ANKEF1: variants seen among roughly 807,000 people sequenced by gnomAD.
ANKEF1 encodes the protein ankyrin repeat and EF-hand domain containing 1, also known as ankyrin repeat and EF-hand domain-containing protein 1.
In ANKEF1, 43 loss-of-function variants were observed where a neutral mutation model predicts 65.1. That is an observed-to-expected ratio of 0.66 (90% CI 0.52 to 0.85). The LOEUF is 0.85. Ranked by LOEUF, ANKEF1 falls within the 40% of genes least tolerant of loss-of-function variation. The pLI, the probability that ANKEF1 is intolerant of heterozygous loss-of-function variation, is 0.00. For synonymous variants in ANKEF1, 316 were observed against 341.5 expected, an observed-to-expected ratio of 0.93 and a Z score of 0.82; for missense variants, 934 against 952.9, an observed-to-expected ratio of 0.98 and a Z score of 0.26.
chr20:10,044,350 G>A, intron 4 of ANKEF1, 44 bp from the exon 5 acceptor site: 1 of 1,594,392 alleles, frequency 6.3e-7, no homozygotes, highest in Middle Eastern at 1.7e-4. Flanking sequence ...TACTTAATAT[G>A]ATGGGTATAA....
intron 3 of ANKEF1, among the ~76,000 whole-genome samples, chr20:10,039,012 A>G (rs964657199): frequency 6.6e-6 from 1 of 152,198 alleles, no homozygotes; most frequent in Admixed American, 6.5e-5. Flanking sequence ...TACATTTTAG[A>G]ATTTCAGGCA....
intron 5 of ANKEF1, 126 bp downstream of exon 5, chr20:10,044,669 C>T: frequency 7.8e-6 from 6 of 765,740 alleles, no homozygotes; most frequent in South Asian, 7.9e-5. Flanking sequence ...ATGTTGTTTT[C>T]ATCTTGATTT....
intron 3 of ANKEF1, among the ~76,000 whole-genome samples, chr20:10,039,295 G>T (rs372933248): frequency 1.3e-5 from 2 of 152,080 alleles, no homozygotes; most frequent in African/African-American, 4.8e-5. Context: ...ATAACTTAAG[G>T]TTCAGGCAAG....
In ANKEF1 at chr20:10,043,262, G is replaced by A. The variant is rs376465137; in HGVS notation, c.487G>A (p.Val163Ile). The A allele has an allele frequency of 3.0e-5, 49 of 1,614,036 alleles. No individual in the cohort carries two copies. Among genetic ancestry groups the A allele is most frequent in the Non-Finnish European group, 3.9e-5 (46 of 1,180,026 alleles). ...TAGAGCTTGTGAAGATGCACATGAT[G>A]TTAAAGATGTGTGCCTGACATTTTT... ...FLRACEDAHD[V>I]KDVCLTFLEK... is the part of the protein sequence containing the mutation. Residue 163 changes from valine (V) to isoleucine (I), a missense_variant, in exon 4 of 11, where the codon GTT (valine) becomes ATT (isoleucine). Coordinates refer to ENST00000378392, the MANE Select transcript of ANKEF1 (RefSeq NM_022096.6).
chr20:10,038,529 G>T lies in ANKEF1; in HGVS notation c.228G>T (p.Val76=), dbSNP rs763641219. The T allele has an allele frequency of 5.6e-6, 9 of 1,614,086 alleles. No individual in the cohort carries two copies. Among genetic ancestry groups the T allele is most frequent in the Non-Finnish European group, 7.6e-6 (9 of 1,180,048 alleles). ...FLLDLGAHPD[V]QDRMGCTPTM... ...TTGACCTTGGTGCTCACCCTGATGT[G>T]CAAGACCGAATGGGCTGTACTCCCA... Residue 76 remains valine (V), a synonymous_variant, in exon 3 of 11, where the codon GTG becomes GTT. Coordinates refer to ENST00000378392, the MANE Select transcript of ANKEF1 (RefSeq NM_022096.6).
chr20:10,038,518 C>T lies in ANKEF1; in HGVS notation c.217C>T (p.His73Tyr), dbSNP rs1173290318. The change falls in exon 3 of 11, where the codon CAC becomes TAC. Residue 73 changes from histidine to tyrosine, a missense_variant. Coordinates refer to ENST00000378392, the MANE Select transcript of ANKEF1 (RefSeq NM_022096.6). The stretch of plus-strand genomic sequence containing the variant: ...CAGCTTTCTCCTTGACCTTGGTGCT[C>T]ACCCTGATGTGCAAGACCGAATGGG... ...MVSFLLDLGA[H>Y]PDVQDRMGCT... 2 of 1,614,084 alleles carry T rather than the reference C, an allele frequency of 1.2e-6. No individual in the cohort carries two copies. The highest frequency in any genetic ancestry group is 1.7e-6 in the Non-Finnish European group (2 of 1,180,040).
chr20:10,038,732 C>A (rs1984012425), intron 3 of ANKEF1, 85 bp downstream of exon 3: 2 of 1,059,760 alleles, frequency 1.9e-6, no homozygotes, highest in Non-Finnish European at 2.7e-6. Context: ...TGTTTTCCAA[C>A]TTTAGAAGTG....
Position 10,051,957 on chromosome 20 carries a change from C to G in ANKEF1, c.1870+68C>G, listed in dbSNP as rs149947686. 3.1e-3 allele frequency: 3,822 copies of G among 1,217,592 alleles called. 10 individuals carry two copies. Among genetic ancestry groups the G allele is most frequent in the Non-Finnish European group, 3.8e-3 (3,356 of 877,478 alleles). 75.4% of individuals were successfully genotyped at this position (1,217,592 alleles called of 1,614,324 possible). A position where few individuals can be genotyped will look rare whatever the true frequency, so the allele number is the denominator to read the frequency against. ...ACTTATGTTAGATTCTAAGCCCCTT[C>G]TGATTCTATTCTCGTAGGCTTGCAT... On this transcript the variant is annotated intron_variant, in intron 8 of 10. Transcript: ENST00000378392.
intron 6 of ANKEF1, among the ~76,000 whole-genome samples, chr20:10,047,523 G>A (rs1006850935): frequency 6.6e-6 from 1 of 152,168 alleles, no homozygotes; most frequent in Admixed American, 6.5e-5. Context: ...TAAAGCATTT[G>A]TGCTGGCTGG....
rs1476954398 is a variant in ANKEF1 at position 10,035,285 on chromosome 20, C to T, written c.-157C>T. 1 of 152,464 alleles carries T rather than the reference C, an allele frequency of 6.6e-6. No individual in the cohort carries two copies. Among genetic ancestry groups the T allele is most frequent in the Non-Finnish European group, 1.5e-5 (1 of 68,226 alleles). The allele number at this position is 152,464 out of a possible 1,614,324, so 9.4% of individuals were successfully genotyped here. ...CCGGTCGCCCCAGCAGGCCCAGGCA[C>T]ATAGGTGCCCAGAGATCCCTGGCTT... is the stretch of plus-strand genomic sequence containing the variant. On this transcript the variant is annotated 5_prime_UTR_variant, in exon 1 of 11. Coordinates refer to ENST00000378392, the MANE Select transcript of ANKEF1 (RefSeq NM_022096.6).
At position 10,044,544 on chromosome 20, in the gene ANKEF1, GTAA is replaced by G. The variant is rs762702293; in HGVS notation, c.696+6_696+8del. 7.4e-6 allele frequency: 12 copies of G among 1,613,380 alleles called. No homozygotes were observed. Among genetic ancestry groups the G allele is most frequent in the Middle Eastern group, 1.7e-4 (1 of 6,058 alleles). ...TGCTGCTAAAGGAGGCTTTTTCGATGTAATAATCTATTCTTTGCTTTAAAATTT... is the reference window on the plus strand; with the variant it reads ...TGCTGCTAAAGGAGGCTTTTTCGATGTAATCTATTCTTTGCTTTAAAATTT... On this transcript the variant is annotated splice_donor_variant and splice_donor_region_variant and intron_variant, in intron 5 of 10. Coordinates refer to ENST00000378392, the MANE Select transcript of ANKEF1 (RefSeq NM_022096.6). LOFTEE classifies it high-confidence loss of function.
chr20:10,038,273 A>G lies in ANKEF1; in HGVS notation c.-29A>G, dbSNP rs1399661749. 2.2e-6 allele frequency: 3 copies of G among 1,391,354 alleles called. No homozygotes were observed. Among genetic ancestry groups the G allele is most frequent in the Middle Eastern group, 1.9e-4 (1 of 5,254 alleles). 86.2% of individuals were successfully genotyped at this position (1,391,354 alleles called of 1,614,324 possible). On this transcript the variant is annotated 5_prime_UTR_variant, in exon 3 of 11. Transcript: ENST00000378392. ...GTTGCTTCAGCTTTAGTTTTGGTCC[A>G]GAAAGCATTTTCAAGGAGCTGGTCA...
Position 10,056,607 on chromosome 20 carries a change from A to G in ANKEF1, c.*947A>G, listed in dbSNP as rs1159681518. ...TGGTTAAGTGCTAAATTTGTAGGGT[A>G]GGCTATCAGGAAGTGCAGGCTGGAA... On this transcript the variant is annotated 3_prime_UTR_variant, in exon 11 of 11. Transcript: ENST00000378392. The G allele has an allele frequency of 6.6e-6, 1 of 152,066 alleles. No homozygotes were observed. Among genetic ancestry groups the G allele is most frequent in the Non-Finnish European group, 1.5e-5 (1 of 68,010 alleles). 9.4% of individuals were successfully genotyped at this position (152,066 alleles called of 1,614,324 possible).
rs553230833 is a variant in ANKEF1 at position 10,057,516 on chromosome 20, C to T, written c.*1856C>T. On this transcript the variant is annotated 3_prime_UTR_variant, in exon 11 of 11. Transcript: ENST00000378392. ...ATGTTAACCACTTACCACATTTGCTCTATCTCTTTCTCCCTCTACATATAT... is the reference window on the plus strand; with the variant it reads ...ATGTTAACCACTTACCACATTTGCTTTATCTCTTTCTCCCTCTACATATAT... 27 of 152,284 alleles carry T rather than the reference C, an allele frequency of 1.8e-4. No individual in the cohort carries two copies. The highest frequency in any genetic ancestry group is 6.3e-4 in the African/African-American group (26 of 41,558). 9.4% of individuals were successfully genotyped at this position (152,284 alleles called of 1,614,324 possible). A position where few individuals can be genotyped will look rare whatever the true frequency, so the allele number is the denominator to read the frequency against.
rs1183650991 is a variant in ANKEF1, at chr20:10,044,464, A to G, written c.617A>G (p.Glu206Gly). The change falls in exon 5 of 11, where the codon GAA (glutamate) becomes GGA (glycine). Residue 206 changes from glutamate to glycine, a missense_variant. By Grantham distance (98) the Glu-to-Gly change is moderately conservative. Transcript: ENST00000378392. ...GVVEIVRGIL[E>G]RGGEVNAFDN... ...GTGGAAATAGTTCGAGGCATATTGG[A>G]AAGAGGAGGTGAAGTGAATGCATTT... 11 of 1,614,108 alleles carry G rather than the reference A, an allele frequency of 6.8e-6. No individual in the cohort carries two copies. The highest frequency in any genetic ancestry group is 9.3e-6 in the Non-Finnish European group (11 of 1,179,994).
intron 10 of ANKEF1, among the ~76,000 whole-genome samples, chr20:10,054,903 C>G (rs571956683): frequency 6.6e-6 from 1 of 151,920 alleles, no homozygotes; most frequent in Non-Finnish European, 1.5e-5. Context: ...CCTAAGGATA[C>G]TTTTTTTTGG....
Position 10,052,017 on chromosome 20 carries a change from A to G in ANKEF1, c.1870+128A>G, listed in dbSNP as rs77625482. On this transcript the variant is annotated intron_variant, in intron 8 of 10. Coordinates refer to ENST00000378392, the MANE Select transcript of ANKEF1 (RefSeq NM_022096.6). ...GGTTCCTGGTACAAACACAAGCCTG[A>G]GTTAAATGTTATGGAAGTTTATCTT... is the stretch of plus-strand genomic sequence containing the variant. The G allele has an allele frequency of 1.1e-4, 77 of 683,190 alleles. No individual in the cohort carries two copies. In the East Asian group the frequency reaches 1.9e-3, roughly 17 times the overall value. 42.3% of individuals were successfully genotyped at this position (683,190 alleles called of 1,614,324 possible). A position where few individuals can be genotyped will look rare whatever the true frequency, so the allele number is the denominator to read the frequency against.
intron 4 of ANKEF1, 136 bp from the exon 5 acceptor site, chr20:10,044,258 G>C (rs138914733): frequency 5.1e-6 from 5 of 972,500 alleles, no homozygotes. Context: ...GTTACATGAA[G>C]CTAAGAAAAA....
chr20:10,049,724 C>G lies in ANKEF1; in HGVS notation c.1155C>G (p.Thr385=). Residue 385 remains threonine (T), a synonymous_variant, in exon 7 of 11, where the codon ACC becomes ACG. Transcript: ENST00000378392. ...LAAIAHLHEK[T]RGGGVNINEF... ...CCATCGCTCACCTTCATGAGAAAACCCGGGGAGGAGGGGTCAATATTAATG... is the reference window on the plus strand; with the variant it reads ...CCATCGCTCACCTTCATGAGAAAACGCGGGGAGGAGGGGTCAATATTAATG... 1 of 1,614,014 alleles carries G rather than the reference C, an allele frequency of 6.2e-7. No individual in the cohort carries two copies. Among genetic ancestry groups the G allele is most frequent in the South Asian group, 1.1e-5 (1 of 91,068 alleles).
Sources: allele counts gnomAD v4.1 joint callset (sites outside exome capture counted in the v4.1 genomes callset), GRCh38; gene constraint gnomAD v4.1.1; transcripts MANE v1.5; gene names NCBI Gene and HGNC (gene_info 2026-07-23, HGNC 2026-07-21).